Variants in TMEM117 observed in about 807,000 individuals in gnomAD.
The protein encoded by TMEM117 is transmembrane protein 117.
In TMEM117, 27 loss-of-function variants were observed where a neutral mutation model predicts 52.4. That is an observed-to-expected ratio of 0.51 (90% CI 0.38 to 0.71). The LOEUF (loss-of-function observed/expected upper bound fraction) is 0.71. TMEM117 is among the 30% of genes least tolerant of loss of function. The probability of loss-of-function intolerance (pLI) is 0.00; values close to 1 mark genes in which losing one functional copy is unlikely to be tolerated. For missense variants in TMEM117, 556 were observed against 630.5 expected (o/e 0.88, Z 1.26); for synonymous variants, 215 against 206.3 (o/e 1.04, Z -0.36).
intron 6 of TMEM117, among the ~76,000 whole-genome samples, chr12:44,308,064 A>C (rs1371512417): frequency 6.6e-6 from 1 of 152,206 alleles, no homozygotes; most frequent in Non-Finnish European, 1.5e-5. Flanking sequence ...ATAACATGGA[A>C]AGAATGTAGT....
chr12:44,191,238 A>T (rs945856043), intron 4 of TMEM117, among the ~76,000 whole-genome samples: 13 of 151,976 alleles, frequency 8.6e-5, no homozygotes, highest in African/African-American at 3.1e-4. Flanking sequence ...GATGGGAGAA[A>T]CCACTCCTAT....
intron 3 of TMEM117, among the ~76,000 whole-genome samples, chr12:44,064,775 G>T (rs987697882): frequency 6.6e-6 from 1 of 152,100 alleles, no homozygotes; most frequent in South Asian, 2.1e-4. Context: ...GTAGGTCAAA[G>T]GTTATATAAA....
At chr12:44,195,160 T>A (rs1949402060) in intron 4 of TMEM117, among the ~76,000 whole-genome samples, 1 of 152,194 alleles carries the variant, frequency 6.6e-6, no homozygotes, top group African/African-American at 2.4e-5. Flanking sequence ...TGGCCAGACT[T>A]GGCTCTTTCC....
intron 4 of TMEM117, among the ~76,000 whole-genome samples, chr12:44,201,604 A>C (rs992013554): frequency 1.3e-5 from 2 of 152,192 alleles, no homozygotes; most frequent in East Asian, 3.8e-4. Context: ...ACCTGGAAAG[A>C]TGGAAAAAAA....
At chr12:43,851,115 T>G (rs1943301394) in intron 2 of TMEM117, among the ~76,000 whole-genome samples, 1 of 152,182 alleles carries the variant, frequency 6.6e-6, no homozygotes, top group South Asian at 2.1e-4. Context: ...CTTCCTTCAT[T>G]TATTTTGTTA....
At position 44,134,523 on chromosome 12, in the gene TMEM117, A is replaced by G. The variant is rs77073069; in HGVS notation, c.411-9002A>G. ...ATTTCAGGACACCTGTGAAATTTAT[A>G]TGCGGAAACAGTACATTAGATTTAA... On this transcript the variant is annotated intron_variant, in intron 3 of 7. Transcript: ENST00000266534. Among the ~76,000 whole-genome samples the G allele has an allele frequency of 6.8e-3, 1,036 of 152,324 alleles. 12 individuals are homozygous for G. Among genetic ancestry groups the G allele is most frequent in the African/African-American group, 0.023 (970 of 41,578 alleles).
chr12:44,145,020 G>A (rs1565847186), intron 4 of TMEM117, among the ~76,000 whole-genome samples: 1 of 152,164 alleles, frequency 6.6e-6, no homozygotes, highest in Non-Finnish European at 1.5e-5. Flanking sequence ...AGCCAGGCGT[G>A]GTGGCGGGCG....
chr12:44,152,406 TC>T (rs1454102893), intron 4 of TMEM117, among the ~76,000 whole-genome samples: 5 of 115,340 alleles, frequency 4.3e-5, no homozygotes, highest in Admixed American at 4.2e-4. Flanking sequence ...AATATTTATA[TC>T]ATATATAAAT....
intron 6 of TMEM117, among the ~76,000 whole-genome samples, chr12:44,354,459 G>T (rs1310973351): frequency 3.2e-4 from 48 of 152,038 alleles, no homozygotes; most frequent in Non-Finnish European, 1.0e-4. Context: ...ACATCAAAAA[G>T]CTTATCCACC....
intron 6 of TMEM117, chr12:44,376,298 G>A (rs1225745441): frequency 5.6e-6 from 2 of 354,146 alleles, no homozygotes; most frequent in Non-Finnish European, 1.0e-5. Flanking sequence ...TTTAAGTGCA[G>A]TTCTCCAGAA....
chr12:43,912,349 G>T (rs1400858866), intron 2 of TMEM117, among the ~76,000 whole-genome samples: 9 of 150,716 alleles, frequency 6.0e-5, no homozygotes, highest in Admixed American at 2.6e-4. Flanking sequence ...GACTGTTGTG[G>T]GGTGGGGGAA....
At chr12:44,078,835 T>A (rs987515355) in intron 3 of TMEM117, among the ~76,000 whole-genome samples, 8 of 151,874 alleles carry the variant, frequency 5.3e-5, no homozygotes, top group Non-Finnish European at 1.0e-4. Context: ...CATTAGGTAT[T>A]TCTTCTAATG....
chr12:44,383,750 T>G (rs1274519997), intron 7 of TMEM117, among the ~76,000 whole-genome samples: 1 of 152,180 alleles, frequency 6.6e-6, no homozygotes, highest in Non-Finnish European at 1.5e-5. Context: ...TAGAAGCACT[T>G]TCTATTCTGT....
At chr12:43,896,020 G>T (rs1036443007) in intron 2 of TMEM117, among the ~76,000 whole-genome samples, 17 of 152,162 alleles carry the variant, frequency 1.1e-4, no homozygotes, top group African/African-American at 4.1e-4. Flanking sequence ...TTCAGATTGA[G>T]GGTGGGTCTG....
intron 6 of TMEM117, among the ~76,000 whole-genome samples, chr12:44,328,183 G>GTT (rs1375559176): frequency 6.6e-6 from 1 of 152,014 alleles, no homozygotes; most frequent in East Asian, 1.9e-4. Context: ...AATTGTATTA[G>GTT]TTATGGCTGA....
intron 4 of TMEM117, among the ~76,000 whole-genome samples, chr12:44,208,796 A>G (rs966319474): frequency 2.7e-5 from 3 of 109,604 alleles, no homozygotes; most frequent in African/African-American, 3.6e-5. Context: ...CTTGAATGTC[A>G]TTTTTACACA....
chr12:43,847,218 C>A (rs1943225460), intron 2 of TMEM117, among the ~76,000 whole-genome samples: 2 of 152,102 alleles, frequency 1.3e-5, no homozygotes, highest in African/African-American at 4.8e-5. Context: ...CTGAAGGTTT[C>A]TGTGGTCTGG....
At chr12:44,341,048 G>T (rs1198961284) in intron 6 of TMEM117, among the ~76,000 whole-genome samples, 1 of 151,962 alleles carries the variant, frequency 6.6e-6, no homozygotes, top group Non-Finnish European at 1.5e-5. Context: ...TACTCAGGCT[G>T]GAGTGCAGTG....
At chr12:44,205,668 C>A (rs914781922) in intron 4 of TMEM117, among the ~76,000 whole-genome samples, 7 of 152,080 alleles carry the variant, frequency 4.6e-5, no homozygotes, top group African/African-American at 1.4e-4. Context: ...GAAAAAAGCT[C>A]AACATCACTA....
Sources: gnomAD v4.1 joint callset for allele counts (sites outside exome capture counted in the v4.1 genomes callset) on GRCh38, gnomAD v4.1.1 for gene constraint, MANE v1.5 for transcripts, NCBI Gene and HGNC (gene_info 2026-07-23, HGNC 2026-07-21) for gene names.